The following PTPRT variants were observed in gnomAD, a reference collection of about 807,000 sequenced individuals.
The protein encoded by PTPRT is protein tyrosine phosphatase receptor type T.
A neutral mutation model predicts 176.8 loss-of-function variants in PTPRT; 56 were observed. The observed-to-expected ratio is 0.32, with a 90% CI of 0.26 to 0.40. The LOEUF is 0.40. PTPRT is among the 10% of genes least tolerant of loss of function. The pLI is 1.00. For missense variants in PTPRT, 1,540 were observed against 1,908.2 expected (o/e 0.81, Z 3.60); for synonymous variants, 783 against 739.0 (o/e 1.06, Z -0.96).
chr20:42,239,540 A>G (rs1184939558), intron 14 of PTPRT, among the ~76,000 whole-genome samples: 2 of 147,898 alleles, frequency 1.4e-5, no homozygotes, highest in Non-Finnish European at 3.0e-5. Context: ...CTCCTGCCTC[A>G]GCCTCCTGAG....
chr20:42,292,084 G>C (rs528245006), intron 12 of PTPRT, among the ~76,000 whole-genome samples: 3 of 152,016 alleles, frequency 2.0e-5, no homozygotes, highest in East Asian at 3.9e-4. Context: ...GCATATTTTT[G>C]CTCTGTTTGA....
Position 42,886,297 on chromosome 20 carries a change from C to T in PTPRT, c.89-365G>A, listed in dbSNP as rs536346170. Among the ~76,000 whole-genome samples the T allele has an allele frequency of 5.9e-5, 9 of 152,252 alleles. No homozygotes were observed. The South Asian group carries it at 1.0e-3, about 18-fold the overall frequency. The stretch of plus-strand genomic sequence containing the variant: ...AGCACGGAGAGATGCTGTGAGGCAG[C>T]GGAAGGAGCACTCACTTCCCAGTCT... On this transcript the variant is annotated intron_variant, in intron 1 of 30. Coordinates refer to ENST00000373187, the MANE Select transcript of PTPRT (RefSeq NM_007050.6).
chr20:43,106,184 T>C (rs749250783), intron 1 of PTPRT, among the ~76,000 whole-genome samples: 2 of 152,166 alleles, frequency 1.3e-5, no homozygotes, highest in Non-Finnish European at 2.9e-5. Context: ...GCTACCTAAC[T>C]TCTGGGTTCC....
chr20:42,892,781 C>G (rs2079218018), intron 1 of PTPRT, among the ~76,000 whole-genome samples: 1 of 152,216 alleles, frequency 6.6e-6, no homozygotes, highest in African/African-American at 2.4e-5. Context: ...GACTGCGTCC[C>G]TCCAACTAAA....
chr20:43,029,212 T>C (rs911942409), intron 1 of PTPRT, among the ~76,000 whole-genome samples: 2 of 152,212 alleles, frequency 1.3e-5, no homozygotes, highest in African/African-American at 2.4e-5. Flanking sequence ...GATGGTACAG[T>C]AGTCACACTG....
At chr20:42,332,271 G>A (rs550508720) in intron 11 of PTPRT, among the ~76,000 whole-genome samples, 29 of 152,112 alleles carry the variant, frequency 1.9e-4, no homozygotes, top group South Asian at 6.2e-4. Context: ...GCGCAGTGGC[G>A]TAATCTCGGC....
the PTPRT span, among the ~76,000 whole-genome samples, chr20:42,034,571 T>C: frequency 6.6e-6 from 1 of 152,108 alleles, no homozygotes; most frequent in Non-Finnish European, 1.5e-5. Context: ...ACAAGGATCC[T>C]CATGTAGGGT....
chr20:42,511,671 C>G (rs2071959180), intron 7 of PTPRT, among the ~76,000 whole-genome samples: 1 of 152,054 alleles, frequency 6.6e-6, no homozygotes, highest in African/African-American at 2.4e-5. Context: ...ATTAGATATG[C>G]CCAACTTAAC....
intron 9 of PTPRT, among the ~76,000 whole-genome samples, chr20:42,382,417 G>T (rs548411623): frequency 6.6e-6 from 1 of 152,282 alleles, no homozygotes; most frequent in South Asian, 2.1e-4. Context: ...ACTGCCTTCT[G>T]CCTGGGTACA....
chr20:42,993,490 G>GTA (rs1238513284), intron 1 of PTPRT, among the ~76,000 whole-genome samples: 5 of 74,826 alleles, frequency 6.7e-5, no homozygotes, highest in Admixed American at 2.3e-4. Flanking sequence ...ATATGTGTGT[G>GTA]TATATATATA....
At chr20:42,297,740 G>A (rs2057408811) in intron 12 of PTPRT, among the ~76,000 whole-genome samples, 1 of 152,028 alleles carries the variant, frequency 6.6e-6, no homozygotes, top group East Asian at 1.9e-4. Flanking sequence ...TTTAAAATAT[G>A]AGAAAAGCAG....
intron 1 of PTPRT, among the ~76,000 whole-genome samples, chr20:43,104,355 C>T (rs906983777): frequency 2.6e-5 from 4 of 151,974 alleles, no homozygotes; most frequent in African/African-American, 9.7e-5. Flanking sequence ...CAACATCACC[C>T]CCTGAGGTCC....
chr20:42,907,913 A>T (rs749923976), intron 1 of PTPRT, among the ~76,000 whole-genome samples: 2 of 152,102 alleles, frequency 1.3e-5, no homozygotes, highest in Non-Finnish European at 2.9e-5. Context: ...AACCATCATG[A>T]TTGTGCAACT....
rs77344359 is a variant in PTPRT, at chr20:42,375,316, G to T, written c.1561-23031C>A. On this transcript the variant is annotated intron_variant, in intron 9 of 30. Coordinates refer to ENST00000373187, the MANE Select transcript of PTPRT (RefSeq NM_007050.6). Reference sequence around the variant, plus strand: ...TACATTCTACTAGGAAAGACAAGGGGTGCCACGGTGTAAATTTGAACCCTA... The same window carrying T: ...TACATTCTACTAGGAAAGACAAGGGTTGCCACGGTGTAAATTTGAACCCTA... Among the ~76,000 whole-genome samples, 43 of 152,220 alleles carry T rather than the reference G, an allele frequency of 2.8e-4. No homozygotes were observed. In the East Asian group the frequency reaches 6.8e-3, roughly 24 times the overall value.
At chr20:42,048,125 A>G in the PTPRT span, among the ~76,000 whole-genome samples, 123 of 152,332 alleles carry the variant, frequency 8.1e-4, 2 homozygotes, top group African/African-American at 2.9e-3. Context: ...CTCAGGGGCT[A>G]GTCACACTCT....
intron 16 of PTPRT, among the ~76,000 whole-genome samples, chr20:42,177,504 G>A (rs1410144797): frequency 6.6e-6 from 1 of 152,190 alleles, no homozygotes; most frequent in Non-Finnish European, 1.5e-5. Context: ...AAAGCAGTGT[G>A]TCCCCATCAA....
intron 15 of PTPRT, among the ~76,000 whole-genome samples, chr20:42,204,107 T>C (rs571556391): frequency 1.0e-3 from 158 of 152,296 alleles, no homozygotes; most frequent in Non-Finnish European, 1.7e-3. Flanking sequence ...AGTAGATACG[T>C]GCAAAGAAAG....
intron 1 of PTPRT, among the ~76,000 whole-genome samples, chr20:43,125,914 A>G (rs2146367870): frequency 6.6e-6 from 1 of 152,346 alleles, no homozygotes; most frequent in South Asian, 2.1e-4. Flanking sequence ...AAAGATGGTA[A>G]TTTAATCAAA....
intron 2 of PTPRT, 51 bp downstream of exon 2, chr20:42,885,755 CG>C: frequency 6.4e-7 from 1 of 1,567,164 alleles, no homozygotes; most frequent in South Asian, 1.1e-5. Flanking sequence ...CCATGATTCA[CG>C]GTAAAAACTA....
Sources: gnomAD v4.1 joint callset for allele counts (sites outside exome capture counted in the v4.1 genomes callset) on GRCh38, gnomAD v4.1.1 for gene constraint, MANE v1.5 for transcripts, NCBI Gene and HGNC (gene_info 2026-07-23, HGNC 2026-07-21) for gene names.